The following ARAP1 variants were observed in gnomAD, a reference collection of about 807,000 sequenced individuals.
ARAP1 encodes the protein ArfGAP with RhoGAP domain, ankyrin repeat and PH domain 1.
In ARAP1, 76 loss-of-function variants were observed where a neutral mutation model predicts 172.2. The observed-to-expected ratio is 0.44, with a 90% CI of 0.37 to 0.53. The LOEUF is 0.53. ARAP1 is among the 20% of genes least tolerant of loss of function. The probability of loss-of-function intolerance (pLI) is 0.00; values close to 1 mark genes in which losing one functional copy is unlikely to be tolerated. For synonymous variants in ARAP1, 804 were observed against 803.3 expected (o/e 1.00, Z -0.01); for missense variants, 1,686 against 1,977.5 (o/e 0.85, Z 2.80).
chr11:72,709,045 CAA>C (rs34249967), intron 11 of ARAP1, among the ~76,000 whole-genome samples: 45 of 50,236 alleles, frequency 9.0e-4, no homozygotes, highest in Middle Eastern at 0.016. Context: ...TCTCAAAAAG[CAA>C]AAAAAAAAAA....
intron 12 of ARAP1, among the ~76,000 whole-genome samples, chr11:72,706,246 G>T (rs1317421141): frequency 6.6e-6 from 1 of 152,138 alleles, no homozygotes; most frequent in Non-Finnish European, 1.5e-5. Context: ...CCCAGAATTA[G>T]ATCACAACTC....
chr11:72,711,886 G>A (rs761092793), intron 7 of ARAP1, among the ~76,000 whole-genome samples: 2 of 151,996 alleles, frequency 1.3e-5, no homozygotes, highest in African/African-American at 4.8e-5. Context: ...TTGTAGAGAC[G>A]AGGTCTCGCC....
At position 72,687,252 on chromosome 11, in the gene ARAP1, G is replaced by T. The variant is rs566774502; in HGVS notation, c.4185+187C>A. The T allele has an allele frequency of 8.2e-6, 6 of 729,062 alleles. No individual in the cohort carries two copies. The East Asian group carries it at 1.1e-4, about 13-fold the overall frequency. 45.2% of individuals were successfully genotyped at this position (729,062 alleles called of 1,614,324 possible). ...GTCCTGTCTGTCCCTAGCATCCCTG[G>T]CTTGGGGCTGGACTAACAGTAGGTG... On this transcript the variant is annotated intron_variant, in intron 33 of 34. Coordinates refer to ENST00000393609, the MANE Select transcript of ARAP1 (RefSeq NM_001040118.3).
At position 72,694,171 on chromosome 11, in the gene ARAP1, C is replaced by T. The variant is rs558913759; in HGVS notation, c.3695-366G>A. On this transcript the variant is annotated intron_variant, in intron 27 of 34. Coordinates refer to ENST00000393609, the MANE Select transcript of ARAP1 (RefSeq NM_001040118.3). ...CCAATCCACACGTCGAATCTCTCTG[C>T]TCTGTCTATCTCCACTGCTGCCACC... Among the ~76,000 whole-genome samples, 10 of 151,496 alleles carry T rather than the reference C, an allele frequency of 6.6e-5. No homozygotes were observed. The South Asian group carries it at 1.9e-3, about 29-fold the overall frequency.
chr11:72,724,395 A>T (rs1483132441), intron 3 of ARAP1, among the ~76,000 whole-genome samples: 4 of 152,110 alleles, frequency 2.6e-5, no homozygotes, highest in Non-Finnish European at 5.9e-5. Context: ...GGTTGCAAGC[A>T]GGGGTAGGAA....
intron 2 of ARAP1, among the ~76,000 whole-genome samples, chr11:72,727,937 G>A (rs1857747903): frequency 6.6e-6 from 1 of 152,182 alleles, no homozygotes. Flanking sequence ...CAAAAGAGGT[G>A]ATTAGCAGAT....
intron 5 of ARAP1, chr11:72,712,863 C>G: frequency 5.0e-6 from 3 of 600,030 alleles, no homozygotes; most frequent in Non-Finnish European, 8.9e-6. Context: ...CACGGGAACA[C>G]AAGAAGTGAA....
chr11:72,699,178 A>G lies in ARAP1; in HGVS notation c.2439-71T>C, dbSNP rs1322591200. 2.0e-6 allele frequency: 3 copies of G among 1,527,892 alleles called. No homozygotes were observed. The highest frequency in any genetic ancestry group is 2.7e-6 in the Non-Finnish European group (3 of 1,106,572). 94.6% of individuals were successfully genotyped at this position (1,527,892 alleles called of 1,614,324 possible). A position where few individuals can be genotyped will look rare whatever the true frequency, so the allele number is the denominator to read the frequency against. On this transcript the variant is annotated intron_variant, in intron 17 of 34. Coordinates refer to ENST00000393609, the MANE Select transcript of ARAP1 (RefSeq NM_001040118.3). This position sits in a 1 kb window ranked among gnomAD's most constrained non-coding sequence, Gnocchi z 4.2. ...GGCCCACCCCCAACCCGCACCATCA[A>G]CCGCCATCCTCTGCCCCCTCCGCAC...
chr11:72,723,205 G>A (rs551009219), intron 3 of ARAP1, among the ~76,000 whole-genome samples: 2 of 152,250 alleles, frequency 1.3e-5, no homozygotes, highest in Non-Finnish European at 2.9e-5. Flanking sequence ...CTACTTGGGA[G>A]GCTGAGGTGG....
rs748904956 is a variant in ARAP1, at chr11:72,695,625, C to T, written c.3424G>A (p.Asp1142Asn). The change falls in exon 25 of 35, where the codon GAT (aspartate) becomes AAT (asparagine). Residue 1142 changes from aspartate to asparagine, a missense_variant. Asp to Asn is a conservative substitution (Grantham distance 23). Around this residue, in one of 5 missense-constraint regions of ARAP1, gnomAD observed 379 missense variants for 500.1 expected, o/e 0.76. Coordinates refer to ENST00000393609, the MANE Select transcript of ARAP1 (RefSeq NM_001040118.3). This position sits in a 1 kb window ranked among gnomAD's most constrained non-coding sequence, Gnocchi z 4.4. ...INHYVVVFSV[D>N]EEELRKQREE... is the part of the protein sequence containing the mutation. ...CGCTGCTTCCTGAGCTCTTCCTCAT[C>T]CACCTGGGAAGGGGCGAGAGGCAGG... 1.2e-6 allele frequency: 2 copies of T among 1,614,060 alleles called. No homozygotes were observed. The highest frequency in any genetic ancestry group is 2.2e-5 in the East Asian group (1 of 44,896).
At chr11:72,749,172 G>A (rs971928272) in intron 1 of ARAP1, among the ~76,000 whole-genome samples, 40 of 152,140 alleles carry the variant, frequency 2.6e-4, no homozygotes, top group Non-Finnish European at 3.1e-4. Flanking sequence ...CACCACCCGG[G>A]GAAAGCACCT....
intron 4 of ARAP1, among the ~76,000 whole-genome samples, chr11:72,713,846 CAAA>C (rs71469440): frequency 7.4e-5 from 6 of 81,470 alleles, no homozygotes; most frequent in Admixed American, 1.2e-4. Flanking sequence ...GACTCCATCT[CAAA>C]AAAAAAAAAA....
intron 1 of ARAP1, among the ~76,000 whole-genome samples, chr11:72,737,127 GTTGC>G (rs1565231828): frequency 6.6e-6 from 1 of 152,110 alleles, no homozygotes; most frequent in Admixed American, 6.6e-5. Context: ...TCTCTCTTTG[GTTGC>G]TTGTTTTGTG....
intron 22 of ARAP1, 151 bp downstream of exon 22, chr11:72,696,832 T>G: frequency 2.0e-6 from 2 of 994,850 alleles, no homozygotes; most frequent in Non-Finnish European, 2.9e-6. Flanking sequence ...CCTGGCTCTG[T>G]ATGGAGCGGC....
chr11:72,703,094 G>T lies in ARAP1; in HGVS notation c.1993-15C>A. Reference sequence around the variant, plus strand: ...GCACACAGGGCCTAGGAAGAGGCAGGGGAGGGTCAGCCCAAGAAGGAGTAG... The same window carrying T: ...GCACACAGGGCCTAGGAAGAGGCAGTGGAGGGTCAGCCCAAGAAGGAGTAG... On this transcript the variant is annotated splice_polypyrimidine_tract_variant and intron_variant, in intron 14 of 34. Coordinates refer to ENST00000393609, the MANE Select transcript of ARAP1 (RefSeq NM_001040118.3). 6.5e-7 allele frequency: 1 copy of T among 1,538,330 alleles called. No homozygotes were observed. The highest frequency in any genetic ancestry group is 2.3e-5 in the East Asian group (1 of 43,752).
At chr11:72,704,520 T>G in intron 13 of ARAP1, 186 bp from the exon 14 acceptor site, 3 of 625,208 alleles carry the variant, frequency 4.8e-6, no homozygotes, top group Non-Finnish European at 5.4e-6. Flanking sequence ...CCACCAGCAC[T>G]GGGCTCTGAG....
intron 5 of ARAP1, 71 bp downstream of exon 5, chr11:72,713,105 T>C: frequency 2.7e-6 from 4 of 1,501,728 alleles, no homozygotes; most frequent in South Asian, 1.1e-5. Flanking sequence ...CTGGTAGTCC[T>C]CAGGGTCTGA....
Position 72,695,302 on chromosome 11 carries a change from G to A in ARAP1, c.3576+85C>T, listed in dbSNP as rs1856134528. 6.4e-7 allele frequency: 1 copy of A among 1,570,652 alleles called. No individual in the cohort carries two copies. Among genetic ancestry groups the A allele is most frequent in the South Asian group, 1.1e-5 (1 of 89,378 alleles). The stretch of plus-strand genomic sequence containing the variant: ...CCAAACTGGTCCTCTCCTCGGGGTA[G>A]AAGCACTGCTCCCCTGGCCATCTGA... On this transcript the variant is annotated intron_variant, in intron 26 of 34. Coordinates refer to ENST00000393609, the MANE Select transcript of ARAP1 (RefSeq NM_001040118.3). This position sits in a 1 kb window ranked among gnomAD's most constrained non-coding sequence, Gnocchi z 4.4.
chr11:72,705,731 G>A, intron 13 of ARAP1, 74 bp downstream of exon 13: 3 of 1,492,284 alleles, frequency 2.0e-6, no homozygotes, highest in East Asian at 2.3e-5. Flanking sequence ...GAGATAGGGA[G>A]GGGGCTGGGA....
Sources: allele counts gnomAD v4.1 joint callset (sites outside exome capture counted in the v4.1 genomes callset), GRCh38; gene constraint gnomAD v4.1.1; regional missense constraint gnomAD v4.1.1; non-coding constraint Gnocchi (gnomAD v3.1); transcripts MANE v1.5; gene names NCBI Gene and HGNC (gene_info 2026-07-23, HGNC 2026-07-21).